Variants in CDH12 observed in about 807,000 individuals in gnomAD.
CDH12 encodes the protein cadherin 12.
Under a neutral mutation model 74.1 loss-of-function variants are expected in CDH12, and 41 were observed. The observed-to-expected ratio is 0.55, with a 90% confidence interval of 0.43 to 0.72. The LOEUF (loss-of-function observed/expected upper bound fraction) is 0.72. CDH12 is among the 30% of genes least tolerant of loss of function. The pLI, the probability that CDH12 is intolerant of heterozygous loss-of-function variation, is 0.00. For missense variants in CDH12, 945 were observed against 977.2 expected (o/e 0.97, Z 0.44); for synonymous variants, 399 against 355.0 (o/e 1.12, Z -1.39).
intron 4 of CDH12, among the ~76,000 whole-genome samples, chr5:22,104,257 A>G (rs1051428997): frequency 7.9e-5 from 12 of 152,208 alleles, no homozygotes; most frequent in Admixed American, 5.2e-4. Context: ...TTAGCTCTCA[A>G]GTAGCTATTG....
At chr5:21,874,719 C>T (rs1398966434) in intron 6 of CDH12, among the ~76,000 whole-genome samples, 6 of 152,176 alleles carry the variant, frequency 3.9e-5, no homozygotes, top group Admixed American at 1.3e-4. Flanking sequence ...CTGTCCCAGA[C>T]CTGCCATTGA....
intron 10 of CDH12, among the ~76,000 whole-genome samples, chr5:21,787,698 G>T (rs1177525705): frequency 6.6e-6 from 1 of 152,016 alleles, no homozygotes; most frequent in African/African-American, 2.4e-5. Flanking sequence ...ATCTAATTTT[G>T]ACATTTCTTC....
chr5:22,729,396 C>A (rs1045324671), intron 1 of CDH12, among the ~76,000 whole-genome samples: 14 of 151,840 alleles, frequency 9.2e-5, no homozygotes, highest in Non-Finnish European at 1.8e-4. Context: ...TTTAAGGGCT[C>A]ATGTTATTAC....
rs377528188 is a variant in CDH12 at position 22,397,557 on chromosome 5, C to CTTA, written c.-333+7699_-333+7700insTAA. 3.1e-3 allele frequency among the ~76,000 whole-genome samples: 466 copies of CTTA among 151,024 alleles called. 6 individuals are homozygous for CTTA. The highest frequency in any genetic ancestry group is 0.011 in the African/African-American group (449 of 41,124). On this transcript the variant is annotated intron_variant, in intron 3 of 14. Transcript: ENST00000382254. ...TCCAGCAGCAGATGGCAAGGATTGACATTACAGACTAGAATTTTGTAACCT... is the reference window on the plus strand; with the variant it reads ...TCCAGCAGCAGATGGCAAGGATTGACTTAATTACAGACTAGAATTTTGTAACCT...
rs115498305 is a variant in CDH12 at position 22,020,656 on chromosome 5, C to T, written c.232-45271G>A. On this transcript the variant is annotated intron_variant, in intron 5 of 14. Coordinates refer to ENST00000382254, the MANE Select transcript of CDH12 (RefSeq NM_004061.5). Reference sequence around the variant, plus strand: ...TGGCTTGATGATGCTCACCTTCTCCCTTCATTCTCACTTTGAGCCTGCACA... The same window carrying T: ...TGGCTTGATGATGCTCACCTTCTCCTTTCATTCTCACTTTGAGCCTGCACA... Among the ~76,000 whole-genome samples, 564 of 152,154 alleles carry T rather than the reference C, an allele frequency of 3.7e-3. 7 individuals are homozygous for T. Among genetic ancestry groups the T allele is most frequent in the African/African-American group, 0.013 (528 of 41,522 alleles).
At chr5:21,859,870 G>A (rs1239247574) in intron 6 of CDH12, among the ~76,000 whole-genome samples, 2 of 151,974 alleles carry the variant, frequency 1.3e-5, no homozygotes, top group African/African-American at 2.4e-5. Flanking sequence ...AAGAGTATGT[G>A]TGGAATACAG....
At chr5:22,180,439 A>G (rs1472443283) in intron 4 of CDH12, among the ~76,000 whole-genome samples, 1 of 152,102 alleles carries the variant, frequency 6.6e-6, no homozygotes, top group East Asian at 1.9e-4. Context: ...CTGTAAGACT[A>G]TCCTTTTGCC....
At chr5:22,704,446 T>A (rs1291716865) in intron 1 of CDH12, among the ~76,000 whole-genome samples, 2 of 152,122 alleles carry the variant, frequency 1.3e-5, no homozygotes, top group Admixed American at 6.6e-5. Context: ...AAAATACTCC[T>A]GAGGGAAATT....
chr5:22,682,348 T>C (rs1741537594), intron 1 of CDH12, among the ~76,000 whole-genome samples: 1 of 152,110 alleles, frequency 6.6e-6, no homozygotes. Context: ...GTAAAACTTT[T>C]AAAAAGCATT....
chr5:21,895,821 A>G (rs1242674102), intron 6 of CDH12, among the ~76,000 whole-genome samples: 2 of 152,178 alleles, frequency 1.3e-5, no homozygotes, highest in Non-Finnish European at 2.9e-5. Flanking sequence ...ATAACTGTGC[A>G]TGAGGGTACA....
chr5:21,854,561 A>G (rs1468232948), intron 7 of CDH12, 110 bp downstream of exon 7: 1 of 807,926 alleles, frequency 1.2e-6, no homozygotes, highest in Non-Finnish European at 2.0e-6. Context: ...TGCGCATCGC[A>G]CTGAAGCTTT....
intron 3 of CDH12, among the ~76,000 whole-genome samples, chr5:22,267,165 C>T (rs902380072): frequency 2.0e-5 from 3 of 152,036 alleles, no homozygotes; most frequent in Non-Finnish European, 4.4e-5. Context: ...GCATGATTAT[C>T]GTATGTGTAT....
chr5:22,448,856 G>A (rs1259456981), intron 2 of CDH12, among the ~76,000 whole-genome samples: 2 of 151,814 alleles, frequency 1.3e-5, no homozygotes, highest in Non-Finnish European at 1.5e-5. Flanking sequence ...AACAATAACT[G>A]AAATAATGTA....
intron 7 of CDH12, among the ~76,000 whole-genome samples, chr5:21,852,702 C>G (rs1484081209): frequency 6.6e-6 from 1 of 151,432 alleles, no homozygotes; most frequent in Non-Finnish European, 1.5e-5. Flanking sequence ...AACTCACCTA[C>G]TTTATAGAAT....
intron 6 of CDH12, chr5:21,882,546 CCTGTCTCGCCGCG>C: frequency 8.5e-7 from 1 of 1,179,292 alleles, no homozygotes. Flanking sequence ...CCGCCGACAA[CCTGTCTCGCCGCG>C]CGCATGCCCT....
chr5:22,345,735 C>T (rs1335151578), intron 3 of CDH12, among the ~76,000 whole-genome samples: 1 of 152,048 alleles, frequency 6.6e-6, no homozygotes, highest in African/African-American at 2.4e-5. Context: ...ATTTGTCAAA[C>T]GTTTGTTGAA....
intron 4 of CDH12, among the ~76,000 whole-genome samples, chr5:22,080,471 CTGTT>C (rs1340414376): frequency 4.6e-5 from 7 of 151,936 alleles, no homozygotes; most frequent in African/African-American, 1.2e-4. Context: ...GTAACTGTAA[CTGTT>C]AGATATTGAC....
intron 6 of CDH12, among the ~76,000 whole-genome samples, chr5:21,955,306 T>C (rs1244510130): frequency 2.0e-5 from 3 of 151,896 alleles, no homozygotes; most frequent in Non-Finnish European, 4.4e-5. Context: ...GGTTTTAATA[T>C]GAGTTTTAAA....
At chr5:22,037,045 C>T (rs185683871) in intron 5 of CDH12, among the ~76,000 whole-genome samples, 232 of 152,042 alleles carry the variant, frequency 1.5e-3, no homozygotes, top group Middle Eastern at 6.8e-3. Flanking sequence ...GGAGAAGAAA[C>T]AAAATTTTTA....
Sources: allele counts gnomAD v4.1 joint callset (sites outside exome capture counted in the v4.1 genomes callset), GRCh38; gene constraint gnomAD v4.1.1; transcripts MANE v1.5; gene names NCBI Gene and HGNC (gene_info 2026-07-23, HGNC 2026-07-21).